The following FRMD4A variants were observed in gnomAD, a reference collection of about 807,000 sequenced individuals.
FRMD4A encodes FERM domain containing 4A.
FRMD4A carries 29 observed loss-of-function variants against 129.1 expected under a neutral mutation model. The ratio of observed to expected loss-of-function variants is 0.22; its 90% CI spans 0.17 to 0.31. The LOEUF (loss-of-function observed/expected upper bound fraction) is 0.31. Among genes scored for constraint, FRMD4A ranks in the 10% least tolerant of loss-of-function variants. The pLI is 1.00. For missense variants in FRMD4A, 1,272 were observed against 1,375.8 expected (o/e 0.92, Z 1.19); for synonymous variants, 634 against 571.6 (o/e 1.11, Z -1.56).
chr10:14,065,338 C>A (rs961847870), intron 2 of FRMD4A, among the ~76,000 whole-genome samples: 1 of 152,160 alleles, frequency 6.6e-6, no homozygotes, highest in Non-Finnish European at 1.5e-5. Context: ...CATTCGCCAC[C>A]ATACCTGGAT....
chr10:13,902,664 A>C (rs759364243), intron 2 of FRMD4A, among the ~76,000 whole-genome samples: 44 of 151,920 alleles, frequency 2.9e-4, no homozygotes, highest in Non-Finnish European at 5.9e-4. Flanking sequence ...ACATGGTGAA[A>C]TCCCATCTAT....
chr10:13,784,094 G>T (rs2092798642), intron 5 of FRMD4A, among the ~76,000 whole-genome samples: 1 of 152,140 alleles, frequency 6.6e-6, no homozygotes, highest in South Asian at 2.1e-4. Context: ...GGTGGACTAG[G>T]AGGGTGCTGG....
chr10:13,908,175 A>AC (rs2094902891), intron 2 of FRMD4A, among the ~76,000 whole-genome samples: 1 of 133,782 alleles, frequency 7.5e-6, no homozygotes, highest in African/African-American at 3.9e-5. Flanking sequence ...AAAAAAAAAA[A>AC]AAAAAAAAAA....
At chr10:14,236,327 C>T (rs1433208142) in intron 2 of FRMD4A, among the ~76,000 whole-genome samples, 2 of 152,174 alleles carry the variant, frequency 1.3e-5, no homozygotes, top group African/African-American at 4.8e-5. Context: ...GAAATGCAGG[C>T]TGATCCAAGG....
chr10:13,948,337 C>A (rs1244738817), intron 2 of FRMD4A, among the ~76,000 whole-genome samples: 3 of 152,100 alleles, frequency 2.0e-5, no homozygotes, highest in Non-Finnish European at 4.4e-5. Context: ...CTGGTGTGAG[C>A]CACTGTGCCC....
rs10562916 is a variant in FRMD4A at position 14,324,651 on chromosome 10, C to CTATT, written c.45+5403_45+5406dup. On this transcript the variant is annotated intron_variant, in intron 2 of 24. Transcript: ENST00000357447. ...TGAAAACTTGAGTACTATCTTAATGCTATTTATTTATTTATTTATTTAGAG... is the reference window on the plus strand; with the variant it reads ...TGAAAACTTGAGTACTATCTTAATGCTATTTATTTATTTATTTATTTATTTAGAG... Among the ~76,000 whole-genome samples, 505 of 151,278 alleles carry CTATT rather than the reference C, an allele frequency of 3.3e-3. 9 individuals carry two copies. In the East Asian group the frequency reaches 0.039, roughly 12 times the overall value.
chr10:13,972,156 C>G, intron 2 of FRMD4A: 1 of 1,052,728 alleles, frequency 9.5e-7, no homozygotes, highest in Non-Finnish European at 1.2e-6. Flanking sequence ...TTTGGCAGAT[C>G]AAACAGAACT....
At position 13,769,630 on chromosome 10, in the gene FRMD4A, A is replaced by G. The variant is rs143658546; in HGVS notation, c.385-6950T>C. 2.7e-3 allele frequency among the ~76,000 whole-genome samples: 414 copies of G among 152,204 alleles called. 1 individual carries two copies. The highest frequency in any genetic ancestry group is 9.4e-3 in the African/African-American group (391 of 41,528). On this transcript the variant is annotated intron_variant, in intron 6 of 24. Coordinates refer to ENST00000357447, the MANE Select transcript of FRMD4A (RefSeq NM_018027.5). Reference sequence around the variant, plus strand: ...CGGCCCCGAGTTGCCCAGATTAAACAGTTTCTGGATGTGTCTACGAGGGTG... The same window carrying G: ...CGGCCCCGAGTTGCCCAGATTAAACGGTTTCTGGATGTGTCTACGAGGGTG...
chr10:13,772,197 T>TAAAA (rs200786456), intron 6 of FRMD4A, among the ~76,000 whole-genome samples: 1 of 137,334 alleles, frequency 7.3e-6, no homozygotes, highest in African/African-American at 2.5e-5. Flanking sequence ...TATTATATAA[T>TAAAA]AATAAATATT....
At chr10:14,254,133 G>A (rs990204338) in intron 2 of FRMD4A, among the ~76,000 whole-genome samples, 1 of 152,068 alleles carries the variant, frequency 6.6e-6, no homozygotes, top group South Asian at 2.1e-4. Flanking sequence ...GCCCTCCATT[G>A]AACTCCAATC....
chr10:14,010,921 T>G (rs1194348235), intron 2 of FRMD4A, among the ~76,000 whole-genome samples: 1 of 152,230 alleles, frequency 6.6e-6, no homozygotes, highest in Non-Finnish European at 1.5e-5. Context: ...GAATGTTCAC[T>G]GAGCACCTAC....
chr10:14,174,498 T>C (rs1273165302), intron 2 of FRMD4A, among the ~76,000 whole-genome samples: 1 of 152,144 alleles, frequency 6.6e-6, no homozygotes, highest in Non-Finnish European at 1.5e-5. Flanking sequence ...CTGTAGCTTG[T>C]TCTCTCCAGA....
intron 2 of FRMD4A, among the ~76,000 whole-genome samples, chr10:13,919,542 A>AT (rs1002279212): frequency 1.3e-5 from 2 of 152,138 alleles, no homozygotes; most frequent in African/African-American, 4.8e-5. Context: ...ATAAAATTAA[A>AT]TTTTTTAAAT....
chr10:13,705,671 C>T (rs184648642), intron 13 of FRMD4A, among the ~76,000 whole-genome samples: 63 of 152,276 alleles, frequency 4.1e-4, no homozygotes, highest in Admixed American at 2.2e-3. Context: ...GAAATCTCCC[C>T]GCCCACCCCA....
Position 13,701,476 on chromosome 10 carries a change from G to A in FRMD4A, c.839C>T (p.Ala280Val). Residue 280 changes from alanine (A) to valine (V), a missense_variant and splice_region_variant, in exon 14 of 25, where the codon GCT (alanine) becomes GTT (valine). This residue lies in a region of FRMD4A where 300 missense variants were observed against 483.6 expected (regional missense o/e 0.62). Coordinates refer to ENST00000357447, the MANE Select transcript of FRMD4A (RefSeq NM_018027.5). ...CCCAAACGTCCTCCTTGTCACTGAA[G>A]CCCTGGGGAAGCAAGAATCACAAGG... is the stretch of plus-strand genomic sequence containing the variant. ...FSVEVHDPRR[A>V]SVTRRTFGHS... 1.9e-6 allele frequency: 3 copies of A among 1,611,974 alleles called. No homozygotes were observed. Among genetic ancestry groups the A allele is most frequent in the Non-Finnish European group, 2.5e-6 (3 of 1,178,872 alleles).
chr10:13,891,218 C>T (rs968874860), intron 2 of FRMD4A, among the ~76,000 whole-genome samples: 6 of 152,128 alleles, frequency 3.9e-5, no homozygotes, highest in African/African-American at 1.4e-4. Context: ...CGGCGATCGG[C>T]TGCTGGCCCC....
Position 13,863,558 on chromosome 10 carries a change from CT to C in FRMD4A, c.46-4647del, listed in dbSNP as rs1234440728. On this transcript the variant is annotated intron_variant, in intron 2 of 24. Coordinates refer to ENST00000357447, the MANE Select transcript of FRMD4A (RefSeq NM_018027.5). ...TGAGCCAAGATTGCGCCACTGTATT[CT>C]ACCCTGGGTGACAGAGTGTGACCCT... 4.6e-5 allele frequency among the ~76,000 whole-genome samples: 7 copies of C among 152,230 alleles called. No individual in the cohort carries two copies. The East Asian group carries it at 1.2e-3, about 25-fold the overall frequency.
At chr10:13,888,937 G>A (rs1462391340) in intron 2 of FRMD4A, among the ~76,000 whole-genome samples, 1 of 152,196 alleles carries the variant, frequency 6.6e-6, no homozygotes, top group Non-Finnish European at 1.5e-5. Context: ...GCTTTAGATT[G>A]TAAATTGCTC....
chr10:14,328,608 A>C (rs896424462), intron 2 of FRMD4A, among the ~76,000 whole-genome samples: 1 of 146,918 alleles, frequency 6.8e-6, no homozygotes, highest in African/African-American at 2.6e-5. Flanking sequence ...TGTACTAGAT[A>C]ATATAATATA....
Sources: gnomAD v4.1 joint callset for allele counts (sites outside exome capture counted in the v4.1 genomes callset) on GRCh38, gnomAD v4.1.1 for gene constraint, gnomAD v4.1.1 regional missense constraint, MANE v1.5 for transcripts, NCBI Gene and HGNC (gene_info 2026-07-23, HGNC 2026-07-21) for gene names.